The following CTDSPL variants were observed in gnomAD, a reference collection of about 807,000 sequenced individuals.
The protein encoded by CTDSPL is CTD small phosphatase-like protein.
CTDSPL carries 8 observed loss-of-function variants against 30.5 expected under a neutral mutation model. The observed-to-expected ratio is 0.26, with a 90% CI of 0.15 to 0.47. The LOEUF (loss-of-function observed/expected upper bound fraction) is 0.47, where lower values mean the gene tolerates loss of function less well. CTDSPL is among the 20% of genes least tolerant of loss of function. The pLI, the probability that CTDSPL is intolerant of heterozygous loss-of-function variation, is 0.99. For synonymous variants in CTDSPL, 110 were observed against 137.9 expected (o/e 0.80, Z 1.42); for missense variants, 248 against 366.1 (o/e 0.68, Z 2.63).
intron 3 of CTDSPL, among the ~76,000 whole-genome samples, chr3:37,962,603 A>G (rs1402723762): frequency 2.6e-5 from 4 of 152,230 alleles, no homozygotes; most frequent in Non-Finnish European, 5.9e-5. Flanking sequence ...GGTTTGGAAA[A>G]TGAACCACTT....
At chr3:37,946,368 G>A (rs114782534) in intron 1 of CTDSPL, among the ~76,000 whole-genome samples, 247 of 152,310 alleles carry the variant, frequency 1.6e-3, no homozygotes, top group Non-Finnish European at 2.7e-3. Flanking sequence ...GCTTTGCCCT[G>A]GCTGGCCCTA....
intron 1 of CTDSPL, among the ~76,000 whole-genome samples, chr3:37,888,005 A>G (rs1698281758): frequency 6.6e-6 from 1 of 152,210 alleles, no homozygotes; most frequent in African/African-American, 2.4e-5. Context: ...CACGCAGATG[A>G]GCAGAGCCAA....
intron 1 of CTDSPL, among the ~76,000 whole-genome samples, chr3:37,916,991 G>C (rs1401938570): frequency 5.9e-5 from 9 of 152,154 alleles, no homozygotes; most frequent in Admixed American, 3.3e-4. Flanking sequence ...CATGCTGCAG[G>C]TTTTCTCCAG....
chr3:37,976,417 A>G lies in CTDSPL; in HGVS notation c.705+523A>G, dbSNP rs187253559. 3.6e-3 allele frequency among the ~76,000 whole-genome samples: 542 copies of G among 152,158 alleles called. 5 individuals are homozygous for G. Among genetic ancestry groups the G allele is most frequent in the African/African-American group, 0.012 (487 of 41,518 alleles). On this transcript the variant is annotated intron_variant, in intron 7 of 7. Transcript: ENST00000273179. Reference sequence around the variant, plus strand: ...CTTTGGGAGGCCGAGGCAGATCACAAGGTCAGGAGATCGAGACCATCCTGG... The same window carrying G: ...CTTTGGGAGGCCGAGGCAGATCACAGGGTCAGGAGATCGAGACCATCCTGG...
At chr3:37,940,160 G>A (rs929947536) in intron 1 of CTDSPL, among the ~76,000 whole-genome samples, 13 of 150,076 alleles carry the variant, frequency 8.7e-5, no homozygotes, top group Middle Eastern at 7.2e-3. Context: ...GCTCTTCTTT[G>A]GGCACCAAGA....
At chr3:37,871,739 A>G (rs1575275163) in intron 1 of CTDSPL, among the ~76,000 whole-genome samples, 1 of 152,100 alleles carries the variant, frequency 6.6e-6, no homozygotes, top group South Asian at 2.1e-4. Flanking sequence ...TGAGACTATG[A>G]TGACATAAAT....
chr3:37,947,843 G>A (rs189602345), intron 2 of CTDSPL, among the ~76,000 whole-genome samples: 102 of 152,300 alleles, frequency 6.7e-4, no homozygotes, highest in Admixed American at 5.2e-3. Flanking sequence ...ATAATTGAGT[G>A]TAACTACCTT....
chr3:37,951,548 G>A (rs1699108192), intron 2 of CTDSPL, among the ~76,000 whole-genome samples: 1 of 152,040 alleles, frequency 6.6e-6, no homozygotes, highest in South Asian at 2.1e-4. Flanking sequence ...TAGGTGTGGA[G>A]GTGTGCATTT....
rs1209692866 is a variant in CTDSPL at position 37,982,599 on chromosome 3, C to T, written c.*1732C>T. 2 of 456,722 alleles carry T rather than the reference C, an allele frequency of 4.4e-6. No homozygotes were observed. The highest frequency in any genetic ancestry group is 2.0e-5 in the African/African-American group (1 of 50,196). The allele number at this position is 456,722 out of a possible 1,614,324, so 28.3% of individuals were successfully genotyped here. A position where few individuals can be genotyped will look rare whatever the true frequency, so the allele number is the denominator to read the frequency against. ...CCAGCTGCCAATTACATCCTCCCAA[C>T]AGCACTTTGGTCTGTGGACTGCTGT... is the stretch of plus-strand genomic sequence containing the variant. On this transcript the variant is annotated 3_prime_UTR_variant, in exon 8 of 8. Transcript: ENST00000273179.
chr3:37,887,141 C>T (rs563177168), intron 1 of CTDSPL, among the ~76,000 whole-genome samples: 1 of 152,254 alleles, frequency 6.6e-6, no homozygotes, highest in African/African-American at 2.4e-5. Flanking sequence ...CCAAACTGGC[C>T]TGGGCCCAAG....
At chr3:37,870,359 A>G (rs1002337093) in intron 1 of CTDSPL, among the ~76,000 whole-genome samples, 94 of 152,126 alleles carry the variant, frequency 6.2e-4, no homozygotes, top group Middle Eastern at 3.4e-3. Flanking sequence ...TATTCATAGC[A>G]TTTTTCCCTT....
Position 37,912,543 on chromosome 3 carries a change from G to A in CTDSPL, c.80-34514G>A, listed in dbSNP as rs561693866. ...AAGAAGGGAAGTGATGCTAGCCGAGGCCAGCTGTGTGTTGGGGGGTATGCG... is the reference window on the plus strand; with the variant it reads ...AAGAAGGGAAGTGATGCTAGCCGAGACCAGCTGTGTGTTGGGGGGTATGCG... On this transcript the variant is annotated intron_variant, in intron 1 of 7. Transcript: ENST00000273179. 2.0e-5 allele frequency among the ~76,000 whole-genome samples: 3 copies of A among 152,312 alleles called. No individual in the cohort carries two copies. In the East Asian group the frequency reaches 5.8e-4, roughly 29 times the overall value.
chr3:37,957,892 A>G (rs1278467305), intron 3 of CTDSPL, among the ~76,000 whole-genome samples: 6 of 152,136 alleles, frequency 3.9e-5, no homozygotes, highest in Non-Finnish European at 2.9e-5. Flanking sequence ...CTGAAGACCG[A>G]CTCCCAAAAG....
intron 2 of CTDSPL, among the ~76,000 whole-genome samples, chr3:37,949,082 A>G (rs1056102775): frequency 6.6e-6 from 1 of 150,668 alleles, no homozygotes; most frequent in Non-Finnish European, 1.5e-5. Context: ...AGCCTCCCAA[A>G]GTGCTGGGAT....
At chr3:37,926,666 G>C (rs1051494042) in intron 1 of CTDSPL, among the ~76,000 whole-genome samples, 2 of 152,216 alleles carry the variant, frequency 1.3e-5, no homozygotes, top group Non-Finnish European at 2.9e-5. Flanking sequence ...ATCATGGGAA[G>C]AAGTTTGATA....
At chr3:37,902,861 A>G (rs1383000507) in intron 1 of CTDSPL, among the ~76,000 whole-genome samples, 2 of 152,186 alleles carry the variant, frequency 1.3e-5, no homozygotes, top group African/African-American at 4.8e-5. Flanking sequence ...GCAAGTGCTC[A>G]CTGGATCCCA....
intron 1 of CTDSPL, among the ~76,000 whole-genome samples, chr3:37,891,619 G>A (rs1698326588): frequency 6.6e-6 from 1 of 152,190 alleles, no homozygotes; most frequent in Admixed American, 6.5e-5. Context: ...CATTTAACCT[G>A]TTAATGGAAG....
chr3:37,960,044 A>G (rs1331287785), intron 3 of CTDSPL, among the ~76,000 whole-genome samples: 1 of 152,004 alleles, frequency 6.6e-6, no homozygotes, highest in Non-Finnish European at 1.5e-5. Flanking sequence ...TCTCTATAAA[A>G]TATACACAAA....
chr3:37,947,265 T>C, intron 2 of CTDSPL, 54 bp downstream of exon 2: 1 of 1,567,530 alleles, frequency 6.4e-7, no homozygotes, highest in South Asian at 1.1e-5. Context: ...GTGGCATCTC[T>C]GTCCCATCCT....
Sources: allele counts gnomAD v4.1 joint callset (sites outside exome capture counted in the v4.1 genomes callset), GRCh38; gene constraint gnomAD v4.1.1; transcripts MANE v1.5; gene names NCBI Gene and HGNC (gene_info 2026-07-23, HGNC 2026-07-21).